The following DNER variants were observed in gnomAD, a reference collection of about 807,000 sequenced individuals.
The protein encoded by DNER is delta/notch like EGF repeat containing.
DNER carries 33 observed loss-of-function variants against 78.2 expected under a neutral mutation model. The observed-to-expected ratio is 0.42, with a 90% confidence interval of 0.32 to 0.56. DNER has a LOEUF of 0.56. Ranked by LOEUF, DNER falls within the 20% of genes least tolerant of loss-of-function variation. The pLI is 0.11. For synonymous variants in DNER, 417 were observed against 384.8 expected (o/e 1.08, Z -0.98); for missense variants, 918 against 975.3 (o/e 0.94, Z 0.78).
intron 5 of DNER, among the ~76,000 whole-genome samples, chr2:229,529,441 A>G (rs1025574447): frequency 1.4e-4 from 21 of 152,008 alleles, no homozygotes; most frequent in Admixed American, 1.4e-3. Flanking sequence ...CCCCTACCAC[A>G]CTTCCTCGGA....
chr2:229,594,197 G>A (rs374142028), intron 1 of DNER, among the ~76,000 whole-genome samples: 9 of 152,334 alleles, frequency 5.9e-5, no homozygotes, highest in Middle Eastern at 3.4e-3. Flanking sequence ...CAAGATAGCC[G>A]TTTTGAGTTT....
chr2:229,699,997 C>A (rs1335182500), intron 1 of DNER, among the ~76,000 whole-genome samples: 1 of 151,740 alleles, frequency 6.6e-6, no homozygotes, highest in African/African-American at 2.4e-5. Flanking sequence ...TAACAACAAG[C>A]CATTACGAAT....
intron 4 of DNER, among the ~76,000 whole-genome samples, chr2:229,582,983 G>A (rs142721516): frequency 1.7e-3 from 260 of 152,204 alleles, no homozygotes; most frequent in African/African-American, 6.0e-3. Flanking sequence ...GGAATAATAC[G>A]TTTCATCCAA....
intron 6 of DNER, among the ~76,000 whole-genome samples, chr2:229,483,144 T>C (rs902690005): frequency 6.6e-6 from 1 of 152,128 alleles, no homozygotes; most frequent in African/African-American, 2.4e-5. Flanking sequence ...ATCCCACTGA[T>C]ATGAGAAGAA....
chr2:229,467,024 G>A (rs948756798), intron 7 of DNER, among the ~76,000 whole-genome samples: 2 of 152,086 alleles, frequency 1.3e-5, no homozygotes, highest in African/African-American at 2.4e-5. Context: ...TTTAAAGTGC[G>A]GTGTCAAGTC....
At chr2:229,643,165 C>T (rs1308008936) in intron 1 of DNER, among the ~76,000 whole-genome samples, 1 of 152,094 alleles carries the variant, frequency 6.6e-6, no homozygotes, top group African/African-American at 2.4e-5. Context: ...TGCAGTGAAC[C>T]AAGATCATGC....
intron 1 of DNER, among the ~76,000 whole-genome samples, chr2:229,598,961 C>T (rs185535567): frequency 2.0e-5 from 3 of 152,250 alleles, no homozygotes; most frequent in East Asian, 1.9e-4. Flanking sequence ...CAGGGAAGAA[C>T]CGAGCCGACC....
chr2:229,659,289 T>C (rs1304012554), intron 1 of DNER, among the ~76,000 whole-genome samples: 1 of 152,158 alleles, frequency 6.6e-6, no homozygotes, highest in Non-Finnish European at 1.5e-5. Context: ...CAGATTTCAA[T>C]ACTTAACCAT....
intron 4 of DNER, among the ~76,000 whole-genome samples, chr2:229,578,695 ACT>A (rs961017531): frequency 5.3e-5 from 8 of 151,564 alleles, no homozygotes; most frequent in African/African-American, 1.9e-4. Context: ...CTCCAAAATC[ACT>A]CTCTCTGTCA....
intron 7 of DNER, among the ~76,000 whole-genome samples, chr2:229,466,940 G>C (rs1433013907): frequency 6.6e-6 from 1 of 152,102 alleles, no homozygotes; most frequent in African/African-American, 2.4e-5. Flanking sequence ...TGGAATTCGA[G>C]GCATTGTTTT....
intron 5 of DNER, among the ~76,000 whole-genome samples, chr2:229,542,215 T>C (rs1696529718): frequency 6.6e-6 from 1 of 152,028 alleles, no homozygotes; most frequent in South Asian, 2.1e-4. Flanking sequence ...ACAACCTTGA[T>C]GAACAAGTTC....
At chr2:229,610,296 C>T (rs1698022114) in intron 1 of DNER, among the ~76,000 whole-genome samples, 1 of 152,184 alleles carries the variant, frequency 6.6e-6, no homozygotes, top group African/African-American at 2.4e-5. Flanking sequence ...AGGAAACACT[C>T]TCAACGGCCT....
intron 6 of DNER, among the ~76,000 whole-genome samples, chr2:229,491,896 C>T (rs965288625): frequency 3.3e-5 from 5 of 151,818 alleles, no homozygotes; most frequent in Non-Finnish European, 5.9e-5. Flanking sequence ...TCAGCCATAA[C>T]CTTAAGTATT....
chr2:229,688,927 G>A (rs1238335511), intron 1 of DNER, among the ~76,000 whole-genome samples: 9 of 152,132 alleles, frequency 5.9e-5, no homozygotes, highest in African/African-American at 2.2e-4. Flanking sequence ...CTTATTAGTG[G>A]GAGCTGAGAA....
intron 1 of DNER, among the ~76,000 whole-genome samples, chr2:229,682,070 G>T (rs1176297201): frequency 2.6e-5 from 4 of 152,170 alleles, no homozygotes; most frequent in Non-Finnish European, 4.4e-5. Context: ...TGGGGAGATG[G>T]CACCCAAGAA....
intron 9 of DNER, among the ~76,000 whole-genome samples, chr2:229,414,760 C>T (rs1192540657): frequency 6.6e-6 from 1 of 152,078 alleles, no homozygotes; most frequent in African/African-American, 2.4e-5. Flanking sequence ...TGTGAGCTTC[C>T]AACCAAGAGC....
intron 11 of DNER, among the ~76,000 whole-genome samples, chr2:229,372,563 T>C (rs947315242): frequency 3.3e-5 from 5 of 152,182 alleles, no homozygotes; most frequent in Non-Finnish European, 4.4e-5. Context: ...CCTTGAAGGA[T>C]AGGGCAGTGT....
chr2:229,612,567 C>T (rs1559182567), intron 1 of DNER, among the ~76,000 whole-genome samples: 2 of 152,220 alleles, frequency 1.3e-5, no homozygotes, highest in African/African-American at 2.4e-5. Flanking sequence ...AGCTGTCCCT[C>T]GGAAGCTTGC....
In DNER at chr2:229,367,103, G is replaced by A. The variant is rs142994637; in HGVS notation, c.1872C>T (p.Ser624=). ...TGGTGAGGCTCTCCGCCATGTGCCCGGACTTCCATTGGAGGTCTGCAGGCA... is the reference window on the plus strand; with the variant it reads ...TGGTGAGGCTCTCCGCCATGTGCCCAGACTTCCATTGGAGGTCTGCAGGCA... ...ANCEIHLQWK[S]GHMAESLTNM... The change falls in exon 12 of 13, where the codon TCC becomes TCT. Residue 624 remains serine (S), a synonymous_variant. Transcript: ENST00000341772. 1.6e-3 allele frequency: 2,652 copies of A among 1,614,048 alleles called. 3 individuals carry two copies. Among genetic ancestry groups the A allele is most frequent in the Non-Finnish European group, 1.9e-3 (2,215 of 1,180,014 alleles).
Sources: allele counts gnomAD v4.1 joint callset (sites outside exome capture counted in the v4.1 genomes callset), GRCh38; gene constraint gnomAD v4.1.1; transcripts MANE v1.5; gene names NCBI Gene and HGNC (gene_info 2026-07-23, HGNC 2026-07-21).